DGKI: variants seen among roughly 807,000 people sequenced by gnomAD.
DGKI encodes the protein DAG kinase iota.
DGKI carries 55 observed loss-of-function variants against 147.5 expected under a neutral mutation model. The observed-to-expected ratio is 0.37, with a 90% CI of 0.30 to 0.47. The LOEUF (loss-of-function observed/expected upper bound fraction) is 0.47. DGKI is among the 20% of genes least tolerant of loss of function. The pLI is 1.00. For synonymous variants in DGKI, 469 were observed against 477.1 expected (o/e 0.98, Z 0.22); for missense variants, 1,007 against 1,323.8 (o/e 0.76, Z 3.71).
At chr7:137,650,393 G>A (rs1489618120) in intron 5 of DGKI, among the ~76,000 whole-genome samples, 1 of 152,128 alleles carries the variant, frequency 6.6e-6, no homozygotes, top group African/African-American at 2.4e-5. Context: ...TGAAAAGAAA[G>A]AACAAGACAC....
At chr7:137,840,730 A>T (rs1259004292) in intron 1 of DGKI, among the ~76,000 whole-genome samples, 3 of 152,264 alleles carry the variant, frequency 2.0e-5, no homozygotes. Context: ...TCTTTAGTAG[A>T]AAAGAAACTC....
rs1388132545 is a variant in DGKI at position 137,519,409 on chromosome 7, G to GCA, written c.2248+2455_2248+2456dup. Among the ~76,000 whole-genome samples the GCA allele has an allele frequency of 2.0e-5, 3 of 151,976 alleles. No individual in the cohort carries two copies. The East Asian group carries it at 5.8e-4, about 29-fold the overall frequency. On this transcript the variant is annotated intron_variant, in intron 21 of 32. Coordinates refer to ENST00000614521, the MANE Select transcript of DGKI (RefSeq NM_001321708.2). Reference sequence around the variant, plus strand: ...ACATGCTGCCTGAAGATATCACTTGGCACACCATCAAGAAATGGAACTAAC... The same window carrying GCA: ...ACATGCTGCCTGAAGATATCACTTGGCACACACCATCAAGAAATGGAACTAAC...
chr7:137,712,773 TGATG>T (rs1398495844), intron 1 of DGKI, among the ~76,000 whole-genome samples: 1 of 152,244 alleles, frequency 6.6e-6, no homozygotes, highest in Non-Finnish European at 1.5e-5. Flanking sequence ...AAACTAAGTT[TGATG>T]GATGAGATAG....
chr7:137,525,959 T>C (rs1817129842), intron 20 of DGKI, among the ~76,000 whole-genome samples: 1 of 151,878 alleles, frequency 6.6e-6, no homozygotes, highest in South Asian at 2.1e-4. Flanking sequence ...CCACCTAGTA[T>C]TTTAAAAGGC....
At chr7:137,821,667 G>GAAAGA (rs1277332240) in intron 1 of DGKI, among the ~76,000 whole-genome samples, 1 of 150,902 alleles carries the variant, frequency 6.6e-6, no homozygotes, top group Non-Finnish European at 1.5e-5. Context: ...AAAAAAGAAA[G>GAAAGA]AAAGAAAAGA....
intron 21 of DGKI, among the ~76,000 whole-genome samples, chr7:137,509,959 AAGG>A (rs929151032): frequency 2.6e-5 from 4 of 152,186 alleles, no homozygotes; most frequent in Non-Finnish European, 4.4e-5. Flanking sequence ...GAGAAAAAAA[AAGG>A]AGATGTTAAA....
At chr7:137,791,978 T>C (rs1796867839) in intron 1 of DGKI, among the ~76,000 whole-genome samples, 1 of 152,200 alleles carries the variant, frequency 6.6e-6, no homozygotes. Flanking sequence ...AACATCTCAG[T>C]GGCCATTCAG....
chr7:137,464,660 T>C (rs1380560298), intron 26 of DGKI, among the ~76,000 whole-genome samples: 2 of 152,136 alleles, frequency 1.3e-5, no homozygotes, highest in Non-Finnish European at 2.9e-5. Context: ...ACTTGGTACA[T>C]ATTGGACATC....
At chr7:137,563,543 A>T (rs527798238) in intron 19 of DGKI, among the ~76,000 whole-genome samples, 107 of 151,968 alleles carry the variant, frequency 7.0e-4, no homozygotes, top group African/African-American at 2.3e-3. Flanking sequence ...GGAATCTATT[A>T]AAAAAAACAA....
Position 137,391,139 on chromosome 7 carries a change from C to G in DGKI, c.*81G>C. ...GAGACAGATATATGAATTCCATCAG[C>G]TTCTTCCAGGGGAGCTGCCCAATTG... On this transcript the variant is annotated 3_prime_UTR_variant, in exon 33 of 33. Transcript: ENST00000614521. 9.5e-7 allele frequency: 1 copy of G among 1,054,314 alleles called. No homozygotes were observed. The highest frequency in any genetic ancestry group is 1.5e-6 in the Non-Finnish European group (1 of 672,326). 65.3% of individuals were successfully genotyped at this position (1,054,314 alleles called of 1,614,324 possible). A position where few individuals can be genotyped will look rare whatever the true frequency, so the allele number is the denominator to read the frequency against.
Position 137,581,853 on chromosome 7 carries a change from T to G in DGKI, c.1639A>C (p.Arg547=). The change falls in exon 15 of 33, where the codon AGA becomes CGA. Residue 547 remains arginine (R), a synonymous_variant. Transcript: ENST00000614521. ...AHVTLEFHES[R]EANPEKFNSR... ...GGAAATGGGACGTTGTCCTCACCTC[T>G]GGATTCATGGAACTCCAGTGTGACA... The G allele has an allele frequency of 6.2e-7, 1 of 1,612,818 alleles. No homozygotes were observed. The highest frequency in any genetic ancestry group is 8.5e-7 in the Non-Finnish European group (1 of 1,178,930).
At position 137,398,639 on chromosome 7, in the gene DGKI, G is replaced by A. The variant is rs751847101; in HGVS notation, c.2921-1226C>T. On this transcript the variant is annotated intron_variant, in intron 30 of 32. Transcript: ENST00000614521. ...ATCACTCTTACCATGAAAGTCATTG[G>A]CCAAGGACAACATAACAGAGATGTT... is the stretch of plus-strand genomic sequence containing the variant. 9.9e-5 allele frequency among the ~76,000 whole-genome samples: 15 copies of A among 152,018 alleles called. No homozygotes were observed. The South Asian group carries it at 1.0e-3, about 11-fold the overall frequency.
intron 1 of DGKI, among the ~76,000 whole-genome samples, chr7:137,731,551 C>A (rs1335720260): frequency 6.6e-6 from 1 of 152,068 alleles, no homozygotes; most frequent in East Asian, 1.9e-4. Flanking sequence ...ACGTAGTAAA[C>A]CTCTCACTCT....
chr7:137,554,911 TTTC>T (rs1680475478), intron 19 of DGKI, among the ~76,000 whole-genome samples: 1 of 148,322 alleles, frequency 6.7e-6, no homozygotes, highest in Non-Finnish European at 1.5e-5. Context: ...ATAAAACTAT[TTTC>T]TTTTTTTTTT....
At chr7:137,407,268 T>C (rs1811989272) in intron 30 of DGKI, among the ~76,000 whole-genome samples, 1 of 152,238 alleles carries the variant, frequency 6.6e-6, no homozygotes, top group Admixed American at 6.5e-5. Context: ...GCAGATGCTA[T>C]AGCGCATGCT....
intron 1 of DGKI, among the ~76,000 whole-genome samples, chr7:137,787,186 C>T (rs1796700423): frequency 6.6e-6 from 1 of 152,096 alleles, no homozygotes; most frequent in Admixed American, 6.6e-5. Context: ...TAACAGACAA[C>T]CCACAGAGTG....
chr7:137,407,781 G>C, intron 30 of DGKI, 94 bp downstream of exon 30: 1 of 1,523,600 alleles, frequency 6.6e-7, no homozygotes, highest in Non-Finnish European at 8.9e-7. Flanking sequence ...CTGCCATTCT[G>C]AAAACTGCCT....
At chr7:137,416,085 G>C (rs575343622) in intron 28 of DGKI, among the ~76,000 whole-genome samples, 1 of 151,946 alleles carries the variant, frequency 6.6e-6, no homozygotes, top group African/African-American at 2.4e-5. Flanking sequence ...TTAATAAAAA[G>C]AGAGAGAGAG....
At chr7:137,628,018 T>A (rs1315032367) in intron 6 of DGKI, among the ~76,000 whole-genome samples, 1 of 152,226 alleles carries the variant, frequency 6.6e-6, no homozygotes, top group Non-Finnish European at 1.5e-5. Flanking sequence ...ATTTAATGTG[T>A]GTTTATATAA....
Sources: gnomAD v4.1 joint callset for allele counts (sites outside exome capture counted in the v4.1 genomes callset) on GRCh38, gnomAD v4.1.1 for gene constraint, MANE v1.5 for transcripts, NCBI Gene and HGNC (gene_info 2026-07-23, HGNC 2026-07-21) for gene names.